Variants in CDH18 observed in about 807,000 individuals in gnomAD.
CDH18 encodes cadherin-18.
CDH18 carries 31 observed loss-of-function variants against 67.9 expected under a neutral mutation model. The ratio of observed to expected loss-of-function variants is 0.46; its 90% CI spans 0.34 to 0.62. The LOEUF (loss-of-function observed/expected upper bound fraction) is 0.62. Among genes scored for constraint, CDH18 ranks in the 20% least tolerant of loss-of-function variants. The pLI is 0.01. For synonymous variants in CDH18, 362 were observed against 347.2 expected (o/e 1.04, Z -0.48); for missense variants, 890 against 975.5 (o/e 0.91, Z 1.17).
intron 11 of CDH18, among the ~76,000 whole-genome samples, chr5:19,502,227 A>C (rs1743368498): frequency 6.6e-6 from 1 of 152,164 alleles, no homozygotes; most frequent in African/African-American, 2.4e-5. Flanking sequence ...GGCAAGTGTT[A>C]AATTCCAAAT....
At chr5:20,509,759 A>G (rs994817994) in intron 1 of CDH18, among the ~76,000 whole-genome samples, 6 of 149,896 alleles carry the variant, frequency 4.0e-5, no homozygotes, top group Non-Finnish European at 8.9e-5. Context: ...TCCATTGTGT[A>G]TATATACCAC....
chr5:20,209,128 G>A (rs1561878883), intron 2 of CDH18, among the ~76,000 whole-genome samples: 1 of 152,174 alleles, frequency 6.6e-6, no homozygotes, highest in South Asian at 2.1e-4. Context: ...TGTGAAGAAA[G>A]GGGAATGTGT....
rs552853553 is a variant in CDH18 at position 20,405,197 on chromosome 5, C to T, written c.-579-149692G>A. 1.5e-3 allele frequency among the ~76,000 whole-genome samples: 226 copies of T among 152,226 alleles called. 3 individuals are homozygous for T. Among genetic ancestry groups the T allele is most frequent in the African/African-American group, 5.1e-3 (212 of 41,526 alleles). ...CCCCACTTCAAACTATACTACAAGG[C>T]TACAGTAACCAAAACAGCATGGTAC... On this transcript the variant is annotated intron_variant, in intron 1 of 14. Coordinates refer to the CDH18 transcript ENST00000507958.
At chr5:20,026,450 A>G (rs1319416093) in intron 2 of CDH18, among the ~76,000 whole-genome samples, 1 of 152,234 alleles carries the variant, frequency 6.6e-6, no homozygotes, top group African/African-American at 2.4e-5. Context: ...TGTTTTGAAC[A>G]TGAAACCTAT....
intron 2 of CDH18, among the ~76,000 whole-genome samples, chr5:20,165,830 C>T (rs969367437): frequency 2.6e-5 from 4 of 151,944 alleles, no homozygotes; most frequent in Middle Eastern, 3.2e-3. Context: ...AGTTGCAGTA[C>T]AAAGCAATTG....
chr5:19,638,977 G>GTTTTTTTTTTTTTTTTTTTTTTTTTTTTT lies in CDH18; in HGVS notation c.644-26377_644-26376insAAAAAAAAAAAAAAAAAAAAAAAAAAAAA, dbSNP rs34631530. ...GATCGCTGGGAAGTTTTTTGTTGCTGTTTTTTTTTTTTTTTTTTTTTTTTT... is the reference window on the plus strand; with the variant it reads ...GATCGCTGGGAAGTTTTTTGTTGCTGTTTTTTTTTTTTTTTTTTTTTTTTTTTTTTTTTTTTTTTTTTTTTTTTTTTTTT... On this transcript the variant is annotated intron_variant, in intron 5 of 12. Coordinates refer to ENST00000382275, the MANE Select transcript of CDH18 (RefSeq NM_004934.5). 2.0e-4 allele frequency among the ~76,000 whole-genome samples: 11 copies of GTTTTTTTTTTTTTTTTTTTTTTTTTTTTT among 54,720 alleles called. 1 individual carries two copies. The highest frequency in any genetic ancestry group is 4.2e-4 in the African/African-American group (8 of 19,134). The allele number at this position is 54,720 out of a possible 152,430, so 35.9% of individuals were successfully genotyped here.
intron 2 of CDH18, among the ~76,000 whole-genome samples, chr5:19,947,461 C>T (rs1471276875): frequency 6.6e-6 from 1 of 151,722 alleles, no homozygotes; most frequent in Non-Finnish European, 1.5e-5. Flanking sequence ...AAAATACAGG[C>T]CGAGAGTGGT....
At chr5:20,511,446 A>G (rs1755029713) in intron 1 of CDH18, among the ~76,000 whole-genome samples, 1 of 152,084 alleles carries the variant, frequency 6.6e-6, no homozygotes, top group South Asian at 2.1e-4. Flanking sequence ...TTTGCCAGCC[A>G]TTTTTTATAA....
chr5:19,995,617 A>C (rs929406020), intron 2 of CDH18, among the ~76,000 whole-genome samples: 27 of 151,946 alleles, frequency 1.8e-4, no homozygotes, highest in African/African-American at 2.4e-4. Flanking sequence ...AAAAAAAAAA[A>C]AAAAAACTTT....
At chr5:20,273,291 T>C (rs1267262848) in intron 1 of CDH18, among the ~76,000 whole-genome samples, 3 of 151,974 alleles carry the variant, frequency 2.0e-5, no homozygotes, top group African/African-American at 7.2e-5. Context: ...CTGGGCCTTG[T>C]GTTCTTGTGG....
intron 1 of CDH18, among the ~76,000 whole-genome samples, chr5:20,444,692 T>C (rs772709432): frequency 3.9e-4 from 60 of 152,230 alleles, no homozygotes; most frequent in Non-Finnish European, 7.9e-4. Flanking sequence ...ATACTCAATA[T>C]TGAAAACTAT....
intron 3 of CDH18, among the ~76,000 whole-genome samples, chr5:19,791,424 G>T (rs1055390116): frequency 6.7e-6 from 1 of 150,196 alleles, no homozygotes; most frequent in Non-Finnish European, 1.5e-5. Flanking sequence ...GGGGCAGAAA[G>T]AAAAAAGATT....
chr5:20,383,439 A>G (rs1744072793), intron 1 of CDH18, among the ~76,000 whole-genome samples: 1 of 152,172 alleles, frequency 6.6e-6, no homozygotes, highest in Admixed American at 6.6e-5. Flanking sequence ...AGCTGATAGA[A>G]TCCTTGCTTC....
intron 2 of CDH18, among the ~76,000 whole-genome samples, chr5:20,050,617 T>C (rs1741335444): frequency 6.6e-6 from 1 of 151,902 alleles, no homozygotes; most frequent in African/African-American, 2.4e-5. Flanking sequence ...GACTATTTTT[T>C]CCATGTATAA....
At chr5:20,308,965 T>C (rs1009047490) in intron 1 of CDH18, among the ~76,000 whole-genome samples, 2 of 152,188 alleles carry the variant, frequency 1.3e-5, no homozygotes, top group Non-Finnish European at 2.9e-5. Flanking sequence ...AGCACTAAAA[T>C]TGGGGTATTT....
chr5:20,182,597 C>CAAAA (rs778083062), intron 2 of CDH18, among the ~76,000 whole-genome samples: 23 of 47,376 alleles, frequency 4.9e-4, no homozygotes, highest in East Asian at 2.8e-3. Flanking sequence ...AGCTAAATCT[C>CAAAA]AAAAAAAAAA....
intron 7 of CDH18, among the ~76,000 whole-genome samples, chr5:19,589,148 G>A (rs1744691971): frequency 6.6e-6 from 1 of 152,066 alleles, no homozygotes; most frequent in African/African-American, 2.4e-5. Context: ...CTCTAAAGTT[G>A]ATCAAATACA....
intron 1 of CDH18, among the ~76,000 whole-genome samples, chr5:20,512,916 ATGCT>A (rs1755135960): frequency 2.7e-5 from 4 of 150,814 alleles, no homozygotes; most frequent in Admixed American, 6.6e-5. Flanking sequence ...CTCAGCTCTG[ATGCT>A]TGTCCTCCAA....
At chr5:19,492,582 T>C (rs1359397171) in intron 11 of CDH18, among the ~76,000 whole-genome samples, 1 of 152,146 alleles carries the variant, frequency 6.6e-6, no homozygotes. Flanking sequence ...TCATACTTTT[T>C]TGTTGTTTTA....
Sources: gnomAD v4.1 joint callset for allele counts (sites outside exome capture counted in the v4.1 genomes callset) on GRCh38, gnomAD v4.1.1 for gene constraint, MANE v1.5 for transcripts, NCBI Gene and HGNC (gene_info 2026-07-23, HGNC 2026-07-21) for gene names.